Variants in TNS1 observed in about 807,000 individuals in gnomAD.
TNS1 encodes the protein tensin-1.
Under a neutral mutation model 168.6 loss-of-function variants are expected in TNS1, and 62 were observed. That is an observed-to-expected ratio of 0.37 (90% CI 0.30 to 0.45). The LOEUF is 0.45. Among genes scored for constraint, TNS1 ranks in the 20% least tolerant of loss-of-function variants. TNS1 has a pLI of 1.00. For synonymous variants in TNS1, 934 were observed against 933.2 expected, an observed-to-expected ratio of 1.00 and a Z score of -0.02; for missense variants, 2,240 against 2,339.4, an observed-to-expected ratio of 0.96 and a Z score of 0.88.
In TNS1 at chr2:217,900,450, G is replaced by A. The variant is rs182955756; in HGVS notation, c.371+13C>T. The A allele has an allele frequency of 1.3e-4, 203 of 1,534,872 alleles. No individual in the cohort carries two copies. Among genetic ancestry groups the A allele is most frequent in the African/African-American group, 2.2e-4 (16 of 73,118 alleles). On this transcript the variant is annotated intron_variant, in intron 7 of 32. Coordinates refer to ENST00000682258, the MANE Select transcript of TNS1 (RefSeq NM_001387777.1). ...TTGCACTCCCGCCCCCTGCCCCCAC[G>A]GGCCAGGCATACCTGATGGGCTGGA...
intron 3 of TNS1, among the ~76,000 whole-genome samples, chr2:217,937,493 G>A (rs936114054): frequency 3.9e-5 from 6 of 152,046 alleles, no homozygotes; most frequent in Admixed American, 6.6e-5. Context: ...CTGGCTTGGC[G>A]GCCCCTCTCA....
At chr2:217,877,461 T>C (rs1183021628) in intron 18 of TNS1, among the ~76,000 whole-genome samples, 1 of 152,154 alleles carries the variant, frequency 6.6e-6, no homozygotes, top group Non-Finnish European at 1.5e-5. Flanking sequence ...GGAAATGGGG[T>C]TGGTACAGGC....
At chr2:217,985,136 ATTC>A (rs1388934096) in intron 2 of TNS1, among the ~76,000 whole-genome samples, 5 of 151,388 alleles carry the variant, frequency 3.3e-5, no homozygotes, top group African/African-American at 9.7e-5. Flanking sequence ...ACCCAAGACA[ATTC>A]TTCTTTTCCC....
intron 4 of TNS1, among the ~76,000 whole-genome samples, chr2:217,917,248 T>C (rs1261205509): frequency 6.6e-6 from 1 of 152,130 alleles, no homozygotes; most frequent in African/African-American, 2.4e-5. Flanking sequence ...GTCCTGTTTA[T>C]TGAGTACCTA....
intron 3 of TNS1, among the ~76,000 whole-genome samples, chr2:217,954,423 T>C (rs2125985204): frequency 6.6e-6 from 1 of 152,318 alleles, no homozygotes; most frequent in South Asian, 2.1e-4. Flanking sequence ...ATGATGATGA[T>C]AAGCTATCAT....
At chr2:217,830,358 C>T in intron 22 of TNS1, 1 of 1,614,122 alleles carries the variant, frequency 6.2e-7, no homozygotes, top group Non-Finnish European at 8.5e-7. Context: ...CATGCCACTG[C>T]CCACCTACCT....
chr2:217,890,909 C>T, intron 12 of TNS1, 53 bp downstream of exon 12: 1 of 1,584,006 alleles, frequency 6.3e-7, no homozygotes, highest in Non-Finnish European at 8.7e-7. Context: ...CTAGTCCCCA[C>T]ATAGAGTGAG....
intron 1 of TNS1, among the ~76,000 whole-genome samples, chr2:218,022,683 C>A (rs559538332): frequency 6.6e-6 from 1 of 150,632 alleles, no homozygotes; most frequent in Non-Finnish European, 1.5e-5. Flanking sequence ...GCCCCCAGAG[C>A]GAGAAATACC....
At chr2:217,918,147 T>A (rs1015194146) in intron 4 of TNS1, among the ~76,000 whole-genome samples, 1 of 152,164 alleles carries the variant, frequency 6.6e-6, no homozygotes, top group Non-Finnish European at 1.5e-5. Flanking sequence ...ATTGAAGGAC[T>A]TGGAAAACAT....
chr2:217,861,921 G>A (rs750478351), intron 18 of TNS1, among the ~76,000 whole-genome samples: 1 of 152,152 alleles, frequency 6.6e-6, no homozygotes, highest in Non-Finnish European at 1.5e-5. Context: ...TAAGCTTCAG[G>A]ACATACAATT....
Position 217,900,512 on chromosome 2 carries a change from C to T in TNS1, c.322G>A (p.Gly108Ser). 2.0e-6 allele frequency: 3 copies of T among 1,535,618 alleles called. No homozygotes were observed. Among genetic ancestry groups the T allele is most frequent in the Non-Finnish European group, 2.6e-6 (3 of 1,146,706 alleles). The change falls in exon 7 of 33, where the codon GGC (glycine) becomes AGC (serine). Residue 108 changes from glycine to serine, a missense_variant and splice_region_variant. Physicochemically the swap from Gly to Ser is moderately conservative, Grantham distance 56. Transcript: ENST00000682258. The stretch of plus-strand genomic sequence containing the variant: ...ACACTCGGGGTGACCCTGGTGGAGC[C>T]CTGGGAAGGAGAGAAGAGAAGCAGC... ...GNTRKSLEDNGSTRVTPSVQP... is the reference protein window; with the variant it reads ...GNTRKSLEDNSSTRVTPSVQP...
chr2:217,905,453 A>G, intron 6 of TNS1: 1 of 396,236 alleles, frequency 2.5e-6, no homozygotes, highest in Non-Finnish European at 5.1e-6. Context: ...CATGGGAGTC[A>G]GGCTGCCTAT....
At chr2:217,886,779 C>T in intron 12 of TNS1, 133 bp from the exon 13 acceptor site, 1 of 704,486 alleles carries the variant, frequency 1.4e-6, no homozygotes, top group Non-Finnish European at 2.5e-6. Context: ...CATGGTCCCC[C>T]TCCCCAACCA....
intron 1 of TNS1, among the ~76,000 whole-genome samples, chr2:218,001,731 C>T (rs1403178403): frequency 6.6e-6 from 1 of 152,136 alleles, no homozygotes; most frequent in African/African-American, 2.4e-5. Flanking sequence ...TCCAGGCCCC[C>T]TCCCCCACCC....
chr2:217,963,469 G>A (rs1340335380), intron 3 of TNS1, among the ~76,000 whole-genome samples: 1 of 152,132 alleles, frequency 6.6e-6, no homozygotes, highest in African/African-American at 2.4e-5. Flanking sequence ...ACTGCAGGCA[G>A]GACTCATGAC....
chr2:217,979,226 T>C (rs1162457306), intron 2 of TNS1, among the ~76,000 whole-genome samples: 2 of 151,930 alleles, frequency 1.3e-5, no homozygotes, highest in African/African-American at 4.8e-5. Flanking sequence ...ACAATCACAC[T>C]TACTCTGCCC....
intron 18 of TNS1, among the ~76,000 whole-genome samples, chr2:217,869,453 G>C (rs1489822640): frequency 1.3e-5 from 2 of 152,216 alleles, no homozygotes; most frequent in Admixed American, 6.5e-5. Flanking sequence ...GCTGTGAGCT[G>C]AATGGGGAAG....
chr2:217,928,192 G>A (rs1303530399), intron 3 of TNS1, among the ~76,000 whole-genome samples: 5 of 152,246 alleles, frequency 3.3e-5, no homozygotes, highest in Admixed American at 1.3e-4. Flanking sequence ...GAGGGAGGGT[G>A]TGGGGACAAG....
chr2:217,920,849 G>T (rs1955637921), intron 3 of TNS1, among the ~76,000 whole-genome samples: 1 of 152,116 alleles, frequency 6.6e-6, no homozygotes, highest in Admixed American at 6.5e-5. Context: ...GGCTTGGAGA[G>T]GCAGAAGCAC....
Sources: gnomAD v4.1 joint callset for allele counts (sites outside exome capture counted in the v4.1 genomes callset) on GRCh38, gnomAD v4.1.1 for gene constraint, MANE v1.5 for transcripts, NCBI Gene and HGNC (gene_info 2026-07-23, HGNC 2026-07-21) for gene names.